The following NPAS3 variants were observed in gnomAD, a reference collection of about 807,000 sequenced individuals.
The protein encoded by NPAS3 is neuronal PAS domain protein 3.
In NPAS3, 14 loss-of-function variants were observed where a neutral mutation model predicts 73.1. That is an observed-to-expected ratio of 0.19 (90% CI 0.13 to 0.30). The LOEUF (loss-of-function observed/expected upper bound fraction) is 0.30. NPAS3 is among the 10% of genes least tolerant of loss of function. The probability of loss-of-function intolerance (pLI) is 1.00; values close to 1 mark genes in which losing one functional copy is unlikely to be tolerated. For synonymous variants in NPAS3, 620 were observed against 541.5 expected, an observed-to-expected ratio of 1.14 and a Z score of -2.01; for missense variants, 1,096 against 1,250.0, an observed-to-expected ratio of 0.88 and a Z score of 1.86.
chr14:33,117,682 A>G (rs1354009865), intron 2 of NPAS3, among the ~76,000 whole-genome samples: 1 of 152,144 alleles, frequency 6.6e-6, no homozygotes, highest in African/African-American at 2.4e-5. Context: ...CAAATATCTT[A>G]CTGGAATTGT....
chr14:33,515,697 T>C (rs915545553), intron 4 of NPAS3, among the ~76,000 whole-genome samples: 3 of 152,072 alleles, frequency 2.0e-5, no homozygotes, highest in African/African-American at 7.2e-5. Flanking sequence ...CAGTCATACT[T>C]TTTGCATTAC....
intron 3 of NPAS3, among the ~76,000 whole-genome samples, chr14:33,305,888 T>C (rs1274389817): frequency 6.6e-6 from 1 of 152,230 alleles, no homozygotes; most frequent in East Asian, 1.9e-4. Flanking sequence ...CTATGCCTGG[T>C]ATTCTCTGAA....
chr14:33,575,901 GGAAA>G (rs1377348663), intron 5 of NPAS3, among the ~76,000 whole-genome samples: 1 of 152,100 alleles, frequency 6.6e-6, no homozygotes, highest in Non-Finnish European at 1.5e-5. Flanking sequence ...GAAAATGGAA[GGAAA>G]GAGAGAATGA....
At chr14:33,095,090 T>A (rs1309559324) in intron 2 of NPAS3, among the ~76,000 whole-genome samples, 2 of 152,312 alleles carry the variant, frequency 1.3e-5, no homozygotes, top group Non-Finnish European at 2.9e-5. Context: ...GACAGCAGAG[T>A]TCCAGATGAC....
intron 2 of NPAS3, among the ~76,000 whole-genome samples, chr14:33,087,695 T>G (rs558538962): frequency 3.3e-5 from 5 of 152,240 alleles, no homozygotes; most frequent in East Asian, 1.9e-4. Context: ...ACTAAGTCAT[T>G]GTGCACACAT....
intron 2 of NPAS3, among the ~76,000 whole-genome samples, chr14:33,110,664 T>G (rs1334266523): frequency 6.6e-6 from 1 of 152,138 alleles, no homozygotes; most frequent in Non-Finnish European, 1.5e-5. Context: ...ACCTGCACAG[T>G]TCCTAACTTT....
At chr14:33,613,582 C>G (rs2057818761) in intron 5 of NPAS3, among the ~76,000 whole-genome samples, 1 of 152,066 alleles carries the variant, frequency 6.6e-6, no homozygotes, top group South Asian at 2.1e-4. Context: ...TCCTGGTGCT[C>G]CAGCCCCATC....
chr14:33,709,205 A>G (rs1175816402), intron 6 of NPAS3, among the ~76,000 whole-genome samples: 1 of 152,184 alleles, frequency 6.6e-6, no homozygotes, highest in Non-Finnish European at 1.5e-5. Flanking sequence ...ATTTCTACAG[A>G]TGGCACCAAA....
intron 7 of NPAS3, among the ~76,000 whole-genome samples, chr14:33,748,159 A>G (rs1195043527): frequency 6.6e-6 from 1 of 152,220 alleles, no homozygotes; most frequent in Admixed American, 6.5e-5. Flanking sequence ...AAGCCAGAAC[A>G]TATTTCTTCC....
intron 3 of NPAS3, among the ~76,000 whole-genome samples, chr14:33,357,632 G>C (rs2045399341): frequency 6.6e-6 from 1 of 152,234 alleles, no homozygotes; most frequent in African/African-American, 2.4e-5. Context: ...GCCCCCGCGG[G>C]CTGGGCCCTG....
At chr14:33,579,448 T>C (rs534337198) in intron 5 of NPAS3, among the ~76,000 whole-genome samples, 1 of 152,330 alleles carries the variant, frequency 6.6e-6, no homozygotes. Context: ...TCCTCAGGAA[T>C]GTTCACCTGT....
chr14:33,361,323 G>A (rs529834075), intron 3 of NPAS3, among the ~76,000 whole-genome samples: 1 of 152,240 alleles, frequency 6.6e-6, no homozygotes, highest in Admixed American at 6.5e-5. Flanking sequence ...TGCCATTTTG[G>A]TGTAGAAAAT....
At position 33,048,063 on chromosome 14, in the gene NPAS3, GA is replaced by G. The variant is rs552747025; in HGVS notation, c.51-7840del. On this transcript the variant is annotated intron_variant, in intron 1 of 11. Coordinates refer to ENST00000356141, the Ensembl canonical transcript of NPAS3. ...CAGAGATTTGACTTGCTTAGAGAAG[GA>G]ATTTTTGAACTTGGGGTCAGAAGAG... Among the ~76,000 whole-genome samples the G allele has an allele frequency of 1.9e-4, 29 of 152,294 alleles. No homozygotes were observed. In the South Asian group the frequency reaches 5.6e-3, roughly 29 times the overall value.
intron 2 of NPAS3, among the ~76,000 whole-genome samples, chr14:33,076,417 T>C (rs2041660419): frequency 6.6e-6 from 1 of 152,220 alleles, no homozygotes. Flanking sequence ...ATTAGGTTAT[T>C]TTATGGTATT....
intron 5 of NPAS3, among the ~76,000 whole-genome samples, chr14:33,638,031 C>T (rs935281579): frequency 1.3e-5 from 2 of 152,100 alleles, no homozygotes; most frequent in African/African-American, 4.8e-5. Flanking sequence ...AAGGAGCATG[C>T]ATTTTATGAA....
At chr14:33,052,532 A>T (rs151179437) in intron 1 of NPAS3, among the ~76,000 whole-genome samples, 1 of 152,364 alleles carries the variant, frequency 6.6e-6, no homozygotes, top group East Asian at 1.9e-4. Context: ...GCCAGCGCTT[A>T]TGCTTAATAA....
chr14:33,110,178 T>C (rs1167492197), intron 2 of NPAS3, among the ~76,000 whole-genome samples: 2 of 152,170 alleles, frequency 1.3e-5, no homozygotes, highest in Non-Finnish European at 2.9e-5. Flanking sequence ...TATGTTATTA[T>C]TTGAATACTT....
chr14:33,341,359 T>C (rs947248144), intron 3 of NPAS3, among the ~76,000 whole-genome samples: 1 of 152,228 alleles, frequency 6.6e-6, no homozygotes, highest in Admixed American at 6.5e-5. Context: ...AAAATTTACC[T>C]AACGTTATTT....
At chr14:33,326,219 A>T (rs17100657) in intron 3 of NPAS3, among the ~76,000 whole-genome samples, 6,517 of 152,266 alleles carry the variant, frequency 0.043, 478 homozygotes, top group African/African-American at 0.15. Context: ...TGTAGAGATT[A>T]TATTTAAAGC....
Sources: allele counts gnomAD v4.1 joint callset (sites outside exome capture counted in the v4.1 genomes callset), GRCh38; gene constraint gnomAD v4.1.1; transcripts MANE v1.5; gene names NCBI Gene and HGNC (gene_info 2026-07-23, HGNC 2026-07-21).